EXT1: variants seen among roughly 807,000 people sequenced by gnomAD.
The protein encoded by EXT1 is exostosin glycosyltransferase 1.
Under a neutral mutation model 82.5 loss-of-function variants are expected in EXT1, and 20 were observed. The ratio of observed to expected loss-of-function variants is 0.24; its 90% CI spans 0.17 to 0.35. The LOEUF (loss-of-function observed/expected upper bound fraction) is 0.35, where lower values mean the gene tolerates loss of function less well. EXT1 is among the 10% of genes least tolerant of loss of function. The pLI, the probability that EXT1 is intolerant of heterozygous loss-of-function variation, is 1.00. For missense variants in EXT1, 757 were observed against 936.5 expected, an observed-to-expected ratio of 0.81 and a Z score of 2.50; for synonymous variants, 348 against 350.8, an observed-to-expected ratio of 0.99 and a Z score of 0.09.
At chr8:118,028,133 T>C (rs896584083) in intron 1 of EXT1, among the ~76,000 whole-genome samples, 3 of 152,254 alleles carry the variant, frequency 2.0e-5, no homozygotes, top group African/African-American at 7.2e-5. Context: ...GTGTTGAGGA[T>C]AACAACTAAA....
At chr8:117,842,905 G>A (rs1287299165) in intron 1 of EXT1, among the ~76,000 whole-genome samples, 3 of 152,152 alleles carry the variant, frequency 2.0e-5, no homozygotes, top group South Asian at 2.1e-4. Flanking sequence ...AACCAAAGAC[G>A]ATAGGGAAGA....
At chr8:117,907,535 C>T (rs201996975) in intron 1 of EXT1, among the ~76,000 whole-genome samples, 4 of 152,232 alleles carry the variant, frequency 2.6e-5, no homozygotes, top group East Asian at 3.9e-4. Flanking sequence ...CTGTTGAGCA[C>T]GCTAACACTT....
intron 1 of EXT1, among the ~76,000 whole-genome samples, chr8:118,096,944 ATT>A (rs1374192289): frequency 1.3e-5 from 2 of 152,124 alleles, no homozygotes; most frequent in African/African-American, 4.8e-5. Context: ...ATAAATGTAA[ATT>A]TTTTTCATTT....
At position 118,091,623 on chromosome 8, in the gene EXT1, T is replaced by C. The variant is rs914075581; in HGVS notation, c.962+18462A>G. 2.6e-5 allele frequency among the ~76,000 whole-genome samples: 4 copies of C among 152,048 alleles called. No individual in the cohort carries two copies. In the South Asian group the frequency reaches 6.2e-4, roughly 24 times the overall value. ...AGCCGGGCATGGTGGCGGGCACCTG[T>C]AGTCCCAGCTACTCGGGAGACTGAA... is the stretch of plus-strand genomic sequence containing the variant. On this transcript the variant is annotated intron_variant, in intron 1 of 10. Coordinates refer to ENST00000378204, the MANE Select transcript of EXT1 (RefSeq NM_000127.3).
At chr8:117,843,976 G>A (rs1587007097) in intron 1 of EXT1, among the ~76,000 whole-genome samples, 1 of 151,868 alleles carries the variant, frequency 6.6e-6, no homozygotes, top group Non-Finnish European at 1.5e-5. Flanking sequence ...TGGGCTATTC[G>A]TTGCCAATTT....
rs779587832 is a variant in EXT1 at position 118,110,085 on chromosome 8, T to C, written c.962A>G (p.Lys321Arg). The C allele has an allele frequency of 4.3e-6, 7 of 1,613,900 alleles. No homozygotes were observed. Among genetic ancestry groups the C allele is most frequent in the Non-Finnish European group, 5.9e-6 (7 of 1,180,046 alleles). ...AAGACACGCCAGCCCAGACACTTAC[T>C]TCTCATACTCGGTGTTGTCTCTGTC... is the stretch of plus-strand genomic sequence containing the variant. Reference protein sequence around the residue: ...RCDRDNTEYEKYDYREMLHNA... With the variant: ...RCDRDNTEYERYDYREMLHNA... Residue 321 changes from lysine (K) to arginine (R), a missense_variant and splice_region_variant, in exon 1 of 11, where the codon AAG becomes AGG. Lys to Arg is a conservative substitution (Grantham distance 26). Around this residue, in one of 4 missense-constraint regions of EXT1, gnomAD observed 247 missense variants for 330.1 expected, o/e 0.75. Coordinates refer to ENST00000378204, the MANE Select transcript of EXT1 (RefSeq NM_000127.3).
At chr8:118,025,393 AAAAAC>A (rs1289121780) in intron 1 of EXT1, among the ~76,000 whole-genome samples, 1 of 152,194 alleles carries the variant, frequency 6.6e-6, no homozygotes, top group Non-Finnish European at 1.5e-5. Context: ...GAATAAAAAC[AAAAAC>A]AAAACAAACC....
At chr8:117,932,132 G>C (rs929964102) in intron 1 of EXT1, among the ~76,000 whole-genome samples, 8 of 152,118 alleles carry the variant, frequency 5.3e-5, no homozygotes, top group African/African-American at 1.9e-4. Flanking sequence ...TAGAAAAATA[G>C]AGTCTCAGGC....
At chr8:118,024,704 A>T (rs956024800) in intron 1 of EXT1, among the ~76,000 whole-genome samples, 3 of 152,218 alleles carry the variant, frequency 2.0e-5, no homozygotes, top group African/African-American at 7.2e-5. Context: ...ATAAGAAACA[A>T]GGGAAGGCTT....
intron 1 of EXT1, among the ~76,000 whole-genome samples, chr8:117,865,172 T>A (rs1812754674): frequency 6.6e-6 from 1 of 152,116 alleles, no homozygotes; most frequent in African/African-American, 2.4e-5. Context: ...AAATAAAATC[T>A]TCTTTACTTT....
intron 1 of EXT1, among the ~76,000 whole-genome samples, chr8:117,956,574 C>G (rs1814591608): frequency 6.6e-6 from 1 of 152,130 alleles, no homozygotes; most frequent in Non-Finnish European, 1.5e-5. Context: ...TCCCAAATAG[C>G]TGGGACTACA....
intron 1 of EXT1, among the ~76,000 whole-genome samples, chr8:117,913,598 T>C (rs1458312274): frequency 6.6e-6 from 1 of 152,192 alleles, no homozygotes; most frequent in African/African-American, 2.4e-5. Context: ...TGAGCTGGTT[T>C]CCATCTCCAT....
At chr8:117,919,853 GA>G (rs1340197524) in intron 1 of EXT1, among the ~76,000 whole-genome samples, 2 of 152,142 alleles carry the variant, frequency 1.3e-5, no homozygotes, top group African/African-American at 4.8e-5. Flanking sequence ...CAAATTATAT[GA>G]AATGAATCAA....
intron 1 of EXT1, among the ~76,000 whole-genome samples, chr8:118,056,969 T>C (rs1015810205): frequency 3.3e-5 from 5 of 152,078 alleles, no homozygotes; most frequent in African/African-American, 1.2e-4. Context: ...GAGGTGTGAC[T>C]TGGTTTCCTA....
At chr8:117,895,444 A>G (rs1023459334) in intron 1 of EXT1, among the ~76,000 whole-genome samples, 1 of 152,188 alleles carries the variant, frequency 6.6e-6, no homozygotes. Flanking sequence ...ATATTATAAA[A>G]CATAGCAGGG....
At chr8:117,895,225 T>C (rs1348888451) in intron 1 of EXT1, among the ~76,000 whole-genome samples, 1 of 152,186 alleles carries the variant, frequency 6.6e-6, no homozygotes, top group Non-Finnish European at 1.5e-5. Flanking sequence ...TTACCTCTGA[T>C]TTGGTAAAAG....
intron 1 of EXT1, among the ~76,000 whole-genome samples, chr8:118,041,709 G>C (rs1252047374): frequency 6.7e-6 from 1 of 149,836 alleles, no homozygotes. Flanking sequence ...AAGGAAGGAA[G>C]GAAGGAAGGA....
intron 10 of EXT1, among the ~76,000 whole-genome samples, chr8:117,800,535 T>C (rs1397074421): frequency 6.6e-6 from 1 of 152,226 alleles, no homozygotes. Flanking sequence ...CCCATTGACG[T>C]GACTCCATGA....
intron 1 of EXT1, among the ~76,000 whole-genome samples, chr8:117,986,382 G>C (rs1233317551): frequency 6.6e-6 from 1 of 151,968 alleles, no homozygotes; most frequent in Non-Finnish European, 1.5e-5. Flanking sequence ...GCAGAGAGGG[G>C]TTTTGACATG....
Sources: allele counts gnomAD v4.1 joint callset (sites outside exome capture counted in the v4.1 genomes callset), GRCh38; gene constraint gnomAD v4.1.1; regional missense constraint gnomAD v4.1.1; transcripts MANE v1.5; gene names NCBI Gene and HGNC (gene_info 2026-07-23, HGNC 2026-07-21).